The following CASK variants were observed in gnomAD, a reference collection of about 807,000 sequenced individuals.
CASK encodes the protein calcium/calmodulin dependent serine protein kinase.
A neutral mutation model predicts 82.9 loss-of-function variants in CASK; 4 were observed. The ratio of observed to expected loss-of-function variants is 0.05; its 90% CI spans 0.02 to 0.11. The LOEUF (loss-of-function observed/expected upper bound fraction) is 0.11. Among genes scored for constraint, CASK ranks in the 10% least tolerant of loss-of-function variants. The pLI is 1.00. For synonymous variants in CASK, 259 were observed against 253.5 expected (o/e 1.02, Z -0.20); for missense variants, 358 against 720.9 (o/e 0.50, Z 5.76).
intron 14 of CASK, chrX:41,586,706 A>C (rs2065662845): frequency 2.5e-6 from 1 of 405,749 alleles, no homozygotes; most frequent in Non-Finnish European, 4.3e-6. Flanking sequence ...CCACTTCACC[A>C]AGAGTATCTT....
At chrX:41,656,849 CCT>C (rs2147453209) in intron 8 of CASK, among the ~76,000 whole-genome samples, 1 of 111,375 alleles carries the variant, frequency 9.0e-6, no homozygotes, top group South Asian at 3.8e-4. Flanking sequence ...TCCCCCTGCC[CCT>C]CCCTATGCAG....
At chrX:41,752,554 A>C (rs911898112) in intron 3 of CASK, among the ~76,000 whole-genome samples, 1 of 111,404 alleles carries the variant, frequency 9.0e-6, no homozygotes, top group African/African-American at 3.3e-5. Context: ...GCCTCCCAAA[A>C]TGCTGGGATT....
At chrX:41,621,560 T>G (rs188641193) in intron 11 of CASK, among the ~76,000 whole-genome samples, 1 of 111,632 alleles carries the variant, frequency 9.0e-6, no homozygotes, top group Non-Finnish European at 1.9e-5. Flanking sequence ...TCCGGTGAGA[T>G]AGCAGCACTG....
chrX:41,832,779 C>A (rs1040209907), intron 2 of CASK, among the ~76,000 whole-genome samples: 6 of 111,912 alleles, frequency 5.4e-5, no homozygotes, highest in Non-Finnish European at 1.1e-4. Flanking sequence ...AACACTGAAC[C>A]CATGGCCAAC....
chrX:41,885,855 C>T (rs1379284774), intron 1 of CASK, among the ~76,000 whole-genome samples: 1 of 111,729 alleles, frequency 9.0e-6, no homozygotes, highest in Non-Finnish European at 1.9e-5. Flanking sequence ...TACCACCATT[C>T]ATGGAAGAAT....
intron 21 of CASK, among the ~76,000 whole-genome samples, chrX:41,549,675 A>G (rs1483477644): frequency 9.2e-6 from 1 of 108,735 alleles, no homozygotes; most frequent in Non-Finnish European, 1.9e-5. Context: ...TCTCATCTCT[A>G]TCGAAAATTT....
intron 3 of CASK, among the ~76,000 whole-genome samples, chrX:41,763,248 T>C (rs1457870427): frequency 1.8e-5 from 2 of 111,640 alleles, no homozygotes; most frequent in Non-Finnish European, 3.8e-5. Flanking sequence ...AGAAAGCTGG[T>C]TCTTCCAGAG....
chrX:41,690,752 C>T (rs981541390), intron 5 of CASK, among the ~76,000 whole-genome samples: 9 of 107,504 alleles, frequency 8.4e-5, no homozygotes, highest in African/African-American at 3.1e-4. Context: ...AGGATCACTG[C>T]AACCTCTGCT....
Position 41,774,412 on chromosome X carries a change from T to C in CASK, c.278+12766A>G, listed in dbSNP as rs139503181. ...GAAGGACAAATGGAAGAACATTCCA[T>C]GCTCATGGGTAGGAAGAATCCAATA... On this transcript the variant is annotated intron_variant, in intron 3 of 26. Transcript: ENST00000378163. Among the ~76,000 whole-genome samples the C allele has an allele frequency of 9.6e-3, 1,080 of 112,063 alleles. 15 individuals carry two copies. Among genetic ancestry groups the C allele is most frequent in the African/African-American group, 0.033 (1,027 of 30,846 alleles).
intron 11 of CASK, among the ~76,000 whole-genome samples, chrX:41,622,414 G>A (rs763467414): frequency 1.2e-4 from 13 of 112,306 alleles, no homozygotes; most frequent in African/African-American, 3.6e-4. Context: ...TGAAAGAAGT[G>A]AGAACTTAAT....
intron 2 of CASK, among the ~76,000 whole-genome samples, chrX:41,831,579 T>A (rs2070814249): frequency 1.8e-5 from 2 of 112,494 alleles, no homozygotes; most frequent in Admixed American, 1.9e-4. Context: ...CAGATACTAC[T>A]CTTTTTGATG....
intron 2 of CASK, among the ~76,000 whole-genome samples, chrX:41,804,349 A>G (rs1484597558): frequency 9.0e-6 from 1 of 111,379 alleles, no homozygotes. Context: ...TTCCATCTTA[A>G]AAACAAACAA....
At chrX:41,584,162 C>G in intron 14 of CASK, 1 of 112,962 alleles carries the variant, frequency 8.9e-6, no homozygotes, top group Middle Eastern at 4.6e-3. Context: ...TGATAACTTA[C>G]TATGTGCCCT....
intron 1 of CASK, among the ~76,000 whole-genome samples, chrX:41,855,529 A>G (rs769443102): frequency 8.9e-6 from 1 of 111,973 alleles, no homozygotes; most frequent in East Asian, 2.8e-4. Flanking sequence ...TTAAAAAGGG[A>G]GGAGTGATAA....
intron 5 of CASK, among the ~76,000 whole-genome samples, chrX:41,714,095 T>C (rs1212348569): frequency 8.9e-6 from 1 of 111,956 alleles, no homozygotes; most frequent in Admixed American, 9.4e-5. Context: ...AAAGCTTTTT[T>C]CTAAGGAGAA....
At chrX:41,894,246 T>C (rs183243177) in intron 1 of CASK, among the ~76,000 whole-genome samples, 54 of 110,713 alleles carry the variant, frequency 4.9e-4, no homozygotes, top group African/African-American at 1.6e-3. Flanking sequence ...AAAAGTACTA[T>C]AATTGACAAA....
In CASK at chrX:41,806,235, T is replaced by C. The variant is rs774581092; in HGVS notation, c.173-18952A>G. Among the ~76,000 whole-genome samples the C allele has an allele frequency of 2.7e-5, 3 of 112,176 alleles. No homozygotes were observed. In the East Asian group the frequency reaches 8.3e-4, roughly 31 times the overall value. ...GAGTGACTAAAATTAATAGCAAGTA[T>C]TTAGAAATAGCATACATTCATATGA... is the stretch of plus-strand genomic sequence containing the variant. On this transcript the variant is annotated intron_variant, in intron 2 of 26. Transcript: ENST00000378163.
At chrX:41,609,391 A>C (rs772544415) in intron 12 of CASK, among the ~76,000 whole-genome samples, 1 of 112,298 alleles carries the variant, frequency 8.9e-6, no homozygotes, top group Non-Finnish European at 1.9e-5. Flanking sequence ...CTGGGATTAC[A>C]GGCATGAGCC....
chrX:41,707,796 A>C (rs889458135), intron 5 of CASK, among the ~76,000 whole-genome samples: 6 of 111,174 alleles, frequency 5.4e-5, no homozygotes, highest in Non-Finnish European at 9.4e-5. Flanking sequence ...TTGTTCTAGG[A>C]GATAAAAACA....
Sources: allele counts gnomAD v4.1 joint callset (sites outside exome capture counted in the v4.1 genomes callset), GRCh38; gene constraint gnomAD v4.1.1; transcripts MANE v1.5; gene names NCBI Gene and HGNC (gene_info 2026-07-23, HGNC 2026-07-21).